The following TMEM87A variants were observed in gnomAD, a reference collection of about 807,000 sequenced individuals.
TMEM87A encodes Golgi-pH regulating cation channel.
In TMEM87A, 50 loss-of-function variants were observed where a neutral mutation model predicts 90.0. The ratio of observed to expected loss-of-function variants is 0.56; its 90% confidence interval spans 0.44 to 0.70. The LOEUF (loss-of-function observed/expected upper bound fraction) is 0.70. Among genes scored for constraint, TMEM87A ranks in the 30% least tolerant of loss-of-function variants. The pLI is 0.00. For missense variants in TMEM87A, 577 were observed against 660.5 expected (o/e 0.87, Z 1.39); for synonymous variants, 226 against 226.7 (o/e 1.00, Z 0.03).
At chr15:42,220,977 T>C (rs964272879) in intron 15 of TMEM87A, among the ~76,000 whole-genome samples, 1 of 151,712 alleles carries the variant, frequency 6.6e-6, no homozygotes, top group African/African-American at 2.4e-5. Context: ...ATTTTTTTAT[T>C]AAAAATACAA....
At chr15:42,235,213 T>C (rs2050749922) in intron 10 of TMEM87A, among the ~76,000 whole-genome samples, 1 of 152,172 alleles carries the variant, frequency 6.6e-6, no homozygotes, top group Non-Finnish European at 1.5e-5. Flanking sequence ...TAATTTTTTG[T>C]ATTTTAGCAG....
At chr15:42,260,937 C>T (rs778039123) in intron 6 of TMEM87A, 21 bp downstream of exon 6, 2 of 1,605,142 alleles carry the variant, frequency 1.2e-6, no homozygotes, top group Non-Finnish European at 1.7e-6. Context: ...TTCAATGCCC[C>T]AAATCCCCAA....
chr15:42,217,938 G>T lies in TMEM87A; in HGVS notation c.1596-105C>A, dbSNP rs1595704610. 8.6e-6 allele frequency: 10 copies of T among 1,162,690 alleles called. No individual in the cohort carries two copies. In the East Asian group the frequency reaches 2.0e-4, roughly 23 times the overall value. The allele number at this position is 1,162,690 out of a possible 1,614,324, so 72.0% of individuals were successfully genotyped here. ...AATTAAAAGCTTTATAATTATCTAA[G>T]ATTTGCATTTTATTAATGGCCCTTT... On this transcript the variant is annotated intron_variant, in intron 18 of 19. Transcript: ENST00000389834.
intron 4 of TMEM87A, among the ~76,000 whole-genome samples, chr15:42,263,239 A>G (rs1595747144): frequency 2.0e-5 from 3 of 152,234 alleles, no homozygotes; most frequent in Admixed American, 1.3e-4. Context: ...TGAAATTCTG[A>G]TAACGCTATA....
chr15:42,273,308 G>T lies in TMEM87A; in HGVS notation c.91C>A (p.Pro31Thr). The T allele has an allele frequency of 6.2e-7, 1 of 1,614,174 alleles. No individual in the cohort carries two copies. Among genetic ancestry groups the T allele is most frequent in the Non-Finnish European group, 8.5e-7 (1 of 1,180,042 alleles). Residue 31 changes from proline to threonine, a missense_variant, in exon 1 of 20, where the codon CCG (proline) becomes ACG (threonine). Transcript: ENST00000389834. ...CGGTCGGCAGCAGCTACGGTTGCCG[G>T]TCCCGCACTGAAAAACGACAGTGGT... is the stretch of plus-strand genomic sequence containing the variant. ...PSPLSFFSAG[P>T]ATVAAADRSK...
chr15:42,238,399 G>A (rs1285919815), intron 8 of TMEM87A, among the ~76,000 whole-genome samples: 2 of 151,704 alleles, frequency 1.3e-5, no homozygotes, highest in South Asian at 2.1e-4. Context: ...GTGAAACCCC[G>A]TCTCTACTAA....
At chr15:42,243,995 C>T (rs1212932598) in intron 7 of TMEM87A, 55 bp downstream of exon 7, 2 of 1,070,938 alleles carry the variant, frequency 1.9e-6, no homozygotes, top group Non-Finnish European at 2.7e-6. Context: ...ATGTAAAGTA[C>T]ATGAATGACA....
At chr15:42,267,795 A>G (rs2051434931) in intron 3 of TMEM87A, 152 bp downstream of exon 3, 2 of 495,864 alleles carry the variant, frequency 4.0e-6, no homozygotes, top group Non-Finnish European at 6.8e-6. Flanking sequence ...AAAAAGTTTG[A>G]GAATTGGTGG....
chr15:42,248,318 T>A (rs528900716), intron 6 of TMEM87A, among the ~76,000 whole-genome samples: 1 of 152,196 alleles, frequency 6.6e-6, no homozygotes, highest in Non-Finnish European at 1.5e-5. Flanking sequence ...TCCAACACTA[T>A]GTTGAATAGG....
intron 6 of TMEM87A, among the ~76,000 whole-genome samples, chr15:42,259,400 T>C (rs2051247687): frequency 6.6e-6 from 1 of 152,102 alleles, no homozygotes; most frequent in African/African-American, 2.4e-5. Flanking sequence ...AAAAATACAT[T>C]TGGAGGTCCC....
chr15:42,258,621 T>G, intron 6 of TMEM87A: 2 of 700,966 alleles, frequency 2.9e-6, no homozygotes, highest in Non-Finnish European at 3.6e-6. Context: ...AAGACAAAGT[T>G]TCACCACATT....
At chr15:42,260,379 G>A (rs144818508) in intron 6 of TMEM87A, among the ~76,000 whole-genome samples, 3 of 152,202 alleles carry the variant, frequency 2.0e-5, no homozygotes, top group South Asian at 2.1e-4. Context: ...CTCAAAAAAC[G>A]AAACAAAACA....
At chr15:42,258,351 T>C (rs1188166845) in intron 6 of TMEM87A, 1 of 680,424 alleles carries the variant, frequency 1.5e-6, no homozygotes, top group Non-Finnish European at 1.8e-6. Context: ...TACTATTTTC[T>C]TCTTTTCATT....
At chr15:42,227,016 GT>G in intron 14 of TMEM87A, 107 bp from the exon 15 acceptor site, 1 of 1,063,628 alleles carries the variant, frequency 9.4e-7, no homozygotes, top group Non-Finnish European at 1.4e-6. Flanking sequence ...TTCAAGTTAT[GT>G]TTACTAAGAG....
At chr15:42,256,509 A>C (rs937547162) in intron 6 of TMEM87A, among the ~76,000 whole-genome samples, 1 of 151,972 alleles carries the variant, frequency 6.6e-6, no homozygotes, top group African/African-American at 2.4e-5. Flanking sequence ...AAGATAGATA[A>C]CTCTTTCATT....
intron 19 of TMEM87A, among the ~76,000 whole-genome samples, chr15:42,213,247 T>A (rs2050324158): frequency 6.6e-6 from 1 of 152,250 alleles, no homozygotes; most frequent in Non-Finnish European, 1.5e-5. Flanking sequence ...GAGACTGTTT[T>A]CTGTCTTGCC....
chr15:42,211,542 G>T lies in TMEM87A; in HGVS notation c.*166C>A. ...CTTATGAACTTGTTTTCAGTAAGATGTTCTCTTTGTTCTGACACCTCTCGC... is the reference window on the plus strand; with the variant it reads ...CTTATGAACTTGTTTTCAGTAAGATTTTCTCTTTGTTCTGACACCTCTCGC... On this transcript the variant is annotated 3_prime_UTR_variant, in exon 20 of 20. Coordinates refer to ENST00000389834, the MANE Select transcript of TMEM87A (RefSeq NM_015497.5). 1.6e-6 allele frequency: 1 copy of T among 629,292 alleles called. No individual in the cohort carries two copies. 39.0% of individuals were successfully genotyped at this position (629,292 alleles called of 1,614,324 possible). A position where few individuals can be genotyped will look rare whatever the true frequency, so the allele number is the denominator to read the frequency against.
At chr15:42,243,097 TC>T (rs1019136921) in intron 7 of TMEM87A, among the ~76,000 whole-genome samples, 9 of 151,764 alleles carry the variant, frequency 5.9e-5, no homozygotes, top group Non-Finnish European at 7.4e-5. Flanking sequence ...AAACTCCGTC[TC>T]CACTAAAAAA....
At chr15:42,246,457 G>A (rs962079174) in intron 6 of TMEM87A, among the ~76,000 whole-genome samples, 5 of 151,108 alleles carry the variant, frequency 3.3e-5, no homozygotes, top group East Asian at 2.0e-4. Flanking sequence ...CCCCCGACCC[G>A]ACGACAGGCC....
Sources: allele counts gnomAD v4.1 joint callset (sites outside exome capture counted in the v4.1 genomes callset), GRCh38; gene constraint gnomAD v4.1.1; transcripts MANE v1.5; gene names NCBI Gene and HGNC (gene_info 2026-07-23, HGNC 2026-07-21).